The following ACAD11 variants were observed in gnomAD, a reference collection of about 807,000 sequenced individuals.
ACAD11 encodes acyl-Coenzyme A dehydrogenase family, member 11.
A neutral mutation model predicts 102.2 loss-of-function variants in ACAD11; 83 were observed. The ratio of observed to expected loss-of-function variants is 0.81; its 90% CI spans 0.68 to 0.97. The LOEUF is 0.97. Among genes scored for constraint, ACAD11 ranks in the 50% least tolerant of loss-of-function variants. The pLI is 0.00. For synonymous variants in ACAD11, 324 were observed against 319.8 expected (o/e 1.01, Z -0.14); for missense variants, 901 against 951.7 (o/e 0.95, Z 0.70).
intron 9 of ACAD11, among the ~76,000 whole-genome samples, chr3:132,623,108 A>T (rs545085779): frequency 1.4e-4 from 21 of 152,162 alleles, no homozygotes; most frequent in Non-Finnish European, 2.8e-4. Flanking sequence ...TTCATAGATA[A>T]GGGTTATGCT....
intron 14 of ACAD11, 84 bp from the exon 15 acceptor site, chr3:132,578,965 T>C (rs888357396): frequency 3.8e-5 from 60 of 1,581,684 alleles, no homozygotes; most frequent in Non-Finnish European, 4.9e-5. Flanking sequence ...AATTGTCTTT[T>C]TGATGTTTTC....
intron 17 of ACAD11, among the ~76,000 whole-genome samples, chr3:132,566,438 C>G (rs1937215724): frequency 6.6e-6 from 1 of 151,960 alleles, no homozygotes; most frequent in Non-Finnish European, 1.5e-5. Flanking sequence ...TGAAAACATC[C>G]CAAATTTGGC....
intron 19 of ACAD11, 122 bp downstream of exon 19, chr3:132,559,711 T>C (rs1343208140): frequency 1.4e-6 from 1 of 706,876 alleles, no homozygotes; most frequent in Non-Finnish European, 2.4e-6. Flanking sequence ...TTAATGTATA[T>C]CACTTCATTT....
At chr3:132,659,101 C>A (rs1403083262) in intron 1 of ACAD11, among the ~76,000 whole-genome samples, 1 of 152,152 alleles carries the variant, frequency 6.6e-6, no homozygotes, top group African/African-American at 2.4e-5. Context: ...TCACTCAGTT[C>A]CATTACCTCA....
At chr3:132,616,597 A>C (rs1347726983) in intron 11 of ACAD11, among the ~76,000 whole-genome samples, 1 of 152,206 alleles carries the variant, frequency 6.6e-6, no homozygotes, top group Admixed American at 6.6e-5. Context: ...CCATCCATCC[A>C]TTCATTCTGA....
chr3:132,598,615 T>C (rs1938418906), intron 13 of ACAD11, among the ~76,000 whole-genome samples: 1 of 151,996 alleles, frequency 6.6e-6, no homozygotes, highest in Non-Finnish European at 1.5e-5. Context: ...TCTGGGGAGG[T>C]CGCATCCGCG....
chr3:132,630,415 C>T (rs1939988841), intron 7 of ACAD11, 22 bp downstream of exon 7: 1 of 1,601,758 alleles, frequency 6.2e-7, no homozygotes, highest in African/African-American at 1.3e-5. Flanking sequence ...TGGCGAAACA[C>T]ACGTTTAAAA....
At chr3:132,582,783 G>A (rs1937624586) in intron 13 of ACAD11, among the ~76,000 whole-genome samples, 1 of 152,062 alleles carries the variant, frequency 6.6e-6, no homozygotes, top group African/African-American at 2.4e-5. Context: ...CTCCAGGCTG[G>A]TGGTAGAATA....
intron 17 of ACAD11, among the ~76,000 whole-genome samples, chr3:132,566,425 G>T (rs1002567936): frequency 6.6e-5 from 10 of 151,984 alleles, no homozygotes; most frequent in Non-Finnish European, 1.2e-4. Flanking sequence ...AAGAAACAAT[G>T]GTTGAAAACA....
At chr3:132,641,404 C>T (rs1467722215) in intron 4 of ACAD11, among the ~76,000 whole-genome samples, 3 of 151,816 alleles carry the variant, frequency 2.0e-5, no homozygotes, top group African/African-American at 7.3e-5. Flanking sequence ...ATTAGCAGGG[C>T]GTGATGGCGG....
At chr3:132,608,580 CAAG>C (rs1457944027) in intron 11 of ACAD11, among the ~76,000 whole-genome samples, 1 of 152,104 alleles carries the variant, frequency 6.6e-6, no homozygotes, top group African/African-American at 2.4e-5. Flanking sequence ...ATCAATGCAA[CAAG>C]AAGAGCTAAC....
intron 17 of ACAD11, among the ~76,000 whole-genome samples, chr3:132,573,124 C>T (rs774782473): frequency 2.6e-5 from 4 of 152,134 alleles, no homozygotes; most frequent in Non-Finnish European, 4.4e-5. Flanking sequence ...GTTCCCCTCC[C>T]CATGTCCATG....
At chr3:132,601,282 C>T (rs143176009) in intron 13 of ACAD11, 2 of 1,613,894 alleles carry the variant, frequency 1.2e-6, no homozygotes, top group African/African-American at 2.7e-5. Flanking sequence ...CACTCTTTCA[C>T]AGCTGCCTCA....
chr3:132,618,787 A>T lies in ACAD11; in HGVS notation c.1276-15T>A. 6.4e-7 allele frequency: 1 copy of T among 1,566,894 alleles called. No individual in the cohort carries two copies. Among genetic ancestry groups the T allele is most frequent in the Admixed American group, 2.0e-5 (1 of 49,716 alleles). On this transcript the variant is annotated splice_polypyrimidine_tract_variant and intron_variant, in intron 10 of 19. Coordinates refer to ENST00000264990, the MANE Select transcript of ACAD11 (RefSeq NM_032169.5). ...TTGGCCATTTCCTGTCAAGGTGATG[A>T]ACATGCCAGAGTGACCATAATTTAC...
chr3:132,604,667 T>C (rs938939467), intron 12 of ACAD11, among the ~76,000 whole-genome samples: 3 of 152,234 alleles, frequency 2.0e-5, no homozygotes, highest in Admixed American at 2.0e-4. Flanking sequence ...ATTTGAGCCA[T>C]ATGTCCAGTA....
chr3:132,622,406 T>G (rs372803887), intron 9 of ACAD11, among the ~76,000 whole-genome samples: 1 of 152,220 alleles, frequency 6.6e-6, no homozygotes, highest in African/African-American at 2.4e-5. Flanking sequence ...CCATCCCTCA[T>G]ATTGCCTTGG....
chr3:132,642,881 A>C, intron 2 of ACAD11, 79 bp from the exon 3 acceptor site: 1 of 1,435,324 alleles, frequency 7.0e-7, no homozygotes, highest in Non-Finnish European at 9.6e-7. Context: ...TTATGAGCTA[A>C]TCTTAAGGCT....
At chr3:132,579,946 C>A (rs1227021365) in intron 13 of ACAD11, among the ~76,000 whole-genome samples, 1 of 151,964 alleles carries the variant, frequency 6.6e-6, no homozygotes, top group Non-Finnish European at 1.5e-5. Flanking sequence ...AAGCCTGGTT[C>A]TTTTATTAAT....
At chr3:132,563,252 G>C (rs1375738138) in intron 17 of ACAD11, among the ~76,000 whole-genome samples, 3 of 152,158 alleles carry the variant, frequency 2.0e-5, no homozygotes, top group African/African-American at 7.2e-5. Context: ...GATTCACTGA[G>C]CTTTCTTCTT....
Sources: gnomAD v4.1 joint callset for allele counts (sites outside exome capture counted in the v4.1 genomes callset) on GRCh38, gnomAD v4.1.1 for gene constraint, MANE v1.5 for transcripts, NCBI Gene and HGNC (gene_info 2026-07-23, HGNC 2026-07-21) for gene names.